PCDH15: variants seen among roughly 807,000 people sequenced by gnomAD.
PCDH15 encodes protocadherin-15.
In PCDH15, 129 loss-of-function variants were observed where a neutral mutation model predicts 178.5. The ratio of observed to expected loss-of-function variants is 0.72; its 90% CI spans 0.63 to 0.84. The LOEUF is 0.84. Ranked by LOEUF, PCDH15 falls within the 40% of genes least tolerant of loss-of-function variation. PCDH15 has a pLI of 0.00. For missense variants in PCDH15, 2,230 were observed against 2,099.9 expected (o/e 1.06, Z -1.21); for synonymous variants, 800 against 732.0 (o/e 1.09, Z -1.50).
rs370250540 is a variant in PCDH15 at position 54,020,178 on chromosome 10, T to C, written c.2751+14A>G. 4.7e-5 allele frequency: 75 copies of C among 1,611,522 alleles called. No homozygotes were observed. In the African/African-American group the frequency reaches 9.0e-4, roughly 19 times the overall value. ...GAGCAAAGCAGGCAACCAGAAGTCATCTCTAGCCCTTACCTTTACAATCAC... is the reference window on the plus strand; with the variant it reads ...GAGCAAAGCAGGCAACCAGAAGTCACCTCTAGCCCTTACCTTTACAATCAC... On this transcript the variant is annotated intron_variant, in intron 20 of 37. Coordinates refer to ENST00000644397, the MANE Select transcript of PCDH15 (RefSeq NM_001384140.1).
intron 2 of PCDH15, among the ~76,000 whole-genome samples, chr10:54,660,640 T>C (rs1216465008): frequency 6.6e-6 from 1 of 151,930 alleles, no homozygotes; most frequent in African/African-American, 2.4e-5. Context: ...TACCAAAACC[T>C]AGCACTGAAC....
intron 1 of PCDH15, among the ~76,000 whole-genome samples, chr10:54,791,799 G>A (rs1951443238): frequency 6.6e-6 from 1 of 151,862 alleles, no homozygotes; most frequent in South Asian, 2.1e-4. Context: ...CTTAGGCTGA[G>A]CCACCATTTC....
Position 54,888,789 on chromosome 10 carries a change from C to CTT in PCDH15, c.-29+8659_-29+8660dup, listed in dbSNP as rs59914980. ...GGGGTTAAGTGCTTGTTCATTTTTT[C>CTT]TTTTTTTTTTTTTTAAGTGGGCTAT... On this transcript the variant is annotated intron_variant, in intron 3 of 5. Transcript: ENST00000458638. 0.01 allele frequency among the ~76,000 whole-genome samples: 1,109 copies of CTT among 110,152 alleles called. 34 individuals carry two copies. In the East Asian group the frequency reaches 0.12, roughly 12 times the overall value. 72.3% of individuals were successfully genotyped at this position (110,152 alleles called of 152,430 possible). A position where few individuals can be genotyped will look rare whatever the true frequency, so the allele number is the denominator to read the frequency against.
chr10:54,881,899 T>C (rs972237256), intron 3 of PCDH15, among the ~76,000 whole-genome samples: 2 of 152,162 alleles, frequency 1.3e-5, no homozygotes, highest in African/African-American at 2.4e-5. Flanking sequence ...AATATTCCCA[T>C]TTAAAGTTTA....
intron 1 of PCDH15, among the ~76,000 whole-genome samples, chr10:54,760,670 A>G (rs566190378): frequency 1.3e-5 from 2 of 152,160 alleles, no homozygotes; most frequent in Non-Finnish European, 2.9e-5. Context: ...TTTATTTATC[A>G]GGACTGTGAA....
At chr10:55,350,583 G>C (rs947060401) in intron 2 of PCDH15, among the ~76,000 whole-genome samples, 14 of 151,882 alleles carry the variant, frequency 9.2e-5, no homozygotes, top group African/African-American at 2.9e-4. Flanking sequence ...TCCACTTCTA[G>C]ACATCAAGTG....
intron 2 of PCDH15, among the ~76,000 whole-genome samples, chr10:54,661,454 C>T (rs2094489778): frequency 6.6e-6 from 1 of 151,802 alleles, no homozygotes; most frequent in South Asian, 2.1e-4. Context: ...GAAGAATCAA[C>T]ATCATTAAAA....
intron 2 of PCDH15, among the ~76,000 whole-genome samples, chr10:55,091,209 T>C (rs982603696): frequency 3.3e-5 from 5 of 151,998 alleles, no homozygotes; most frequent in Non-Finnish European, 5.9e-5. Context: ...TAGTTGTATG[T>C]AGATAATTTA....
At chr10:54,174,036 A>G (rs977477817) in intron 13 of PCDH15, among the ~76,000 whole-genome samples, 2 of 152,242 alleles carry the variant, frequency 1.3e-5, no homozygotes, top group Non-Finnish European at 2.9e-5. Context: ...ACGCTAATCC[A>G]GTAATACAGG....
At chr10:54,660,586 A>G (rs1401316593) in intron 2 of PCDH15, among the ~76,000 whole-genome samples, 1 of 152,100 alleles carries the variant, frequency 6.6e-6, no homozygotes, top group African/African-American at 2.4e-5. Context: ...TTAAGGAGGA[A>G]TGACTCCTCT....
intron 2 of PCDH15, among the ~76,000 whole-genome samples, chr10:55,527,187 T>G (rs1004394842): frequency 2.0e-5 from 3 of 152,104 alleles, no homozygotes; most frequent in Non-Finnish European, 2.9e-5. Flanking sequence ...TCGTTTCTTA[T>G]GACTGCCATA....
In PCDH15 at chr10:55,469,127, A is replaced by G. The variant is rs1440702629; in HGVS notation, c.-156+158498T>C. The G allele has an allele frequency of 2.0e-5, 3 of 152,156 alleles. No homozygotes were observed. The East Asian group carries it at 5.8e-4, about 29-fold the overall frequency. The allele number at this position is 152,156 out of a possible 1,614,324, so 9.4% of individuals were successfully genotyped here. On this transcript the variant is annotated intron_variant, in intron 2 of 5. Transcript: ENST00000613346. ...AACAGAAAAAATATTAGGTGGAGCT[A>G]CAGATCTACAAGTATTGAAATCCAA...
At chr10:54,607,037 T>C (rs2092772979) in intron 2 of PCDH15, 1 of 151,898 alleles carries the variant, frequency 6.6e-6, no homozygotes, top group Admixed American at 6.6e-5. Context: ...TGAAAAGATA[T>C]ACTAATTTCA....
rs1392305214 is a variant in PCDH15 at position 54,907,342 on chromosome 10, T to C, written c.-79-9842A>G. ...TTCTTCTTTTTTATATTCTCCAAAA[T>C]GTATTGAGAAGAAACTGAATCAGAA... On this transcript the variant is annotated intron_variant, in intron 2 of 5. Transcript: ENST00000458638. 3.3e-5 allele frequency among the ~76,000 whole-genome samples: 5 copies of C among 152,192 alleles called. No individual in the cohort carries two copies. In the East Asian group the frequency reaches 9.6e-4, roughly 29 times the overall value.
rs1157589698 is a variant in PCDH15 at position 54,184,444 on chromosome 10, ATGTG to A, written c.1440+686_1440+689del. ...ACTTGTTATTTACGTGTTTGTGTGC[ATGTG>A]TGTGTATGTTTATGTGTGTGTGTGT... On this transcript the variant is annotated intron_variant, in intron 12 of 37. Transcript: ENST00000644397. Among the ~76,000 whole-genome samples the A allele has an allele frequency of 6.0e-5, 9 of 150,094 alleles. No homozygotes were observed. In the South Asian group the frequency reaches 8.3e-4, roughly 14 times the overall value.
intron 28 of PCDH15, among the ~76,000 whole-genome samples, chr10:53,849,178 C>A: frequency 6.6e-6 from 1 of 152,022 alleles, no homozygotes; most frequent in African/African-American, 2.4e-5. Context: ...ACAAAATACA[C>A]CACCTAAATG....
intron 3 of PCDH15, among the ~76,000 whole-genome samples, chr10:54,831,183 A>G (rs533208310): frequency 1.3e-5 from 2 of 152,220 alleles, no homozygotes; most frequent in East Asian, 1.9e-4. Flanking sequence ...AGATACATGT[A>G]AGATAATTTT....
intron 1 of PCDH15, among the ~76,000 whole-genome samples, chr10:55,173,437 T>C (rs565611125): frequency 6.6e-6 from 1 of 151,826 alleles, no homozygotes; most frequent in Non-Finnish European, 1.5e-5. Context: ...ATTCATTGTT[T>C]TGCAACCTTC....
chr10:54,327,278 T>C lies in PCDH15; in HGVS notation c.705+2318A>G, dbSNP rs113354832. 8.0e-3 allele frequency among the ~76,000 whole-genome samples: 1,216 copies of C among 151,922 alleles called. 13 individuals are homozygous for C. The highest frequency in any genetic ancestry group is 0.026 in the African/African-American group (1,069 of 41,516). ...CCTTTTCTTCACATCTTCAGTTAAA[T>C]AGAAAAAAGAATTTTCTGTGTTTTT... On this transcript the variant is annotated intron_variant, in intron 7 of 37. Transcript: ENST00000644397.
Sources: gnomAD v4.1 joint callset for allele counts (sites outside exome capture counted in the v4.1 genomes callset) on GRCh38, gnomAD v4.1.1 for gene constraint, MANE v1.5 for transcripts, NCBI Gene and HGNC (gene_info 2026-07-23, HGNC 2026-07-21) for gene names.